PCDHAC1: variants seen among roughly 807,000 people sequenced by gnomAD.
The protein encoded by PCDHAC1 is protocadherin alpha-C1.
A neutral mutation model predicts 60.0 loss-of-function variants in PCDHAC1; 42 were observed. The observed-to-expected ratio is 0.70, with a 90% CI of 0.55 to 0.90. PCDHAC1 has a LOEUF of 0.90. PCDHAC1 is among the 40% of genes least tolerant of loss of function. The pLI is 0.00. For missense variants in PCDHAC1, 1,160 were observed against 1,222.3 expected (o/e 0.95, Z 0.76); for synonymous variants, 468 against 499.3 (o/e 0.94, Z 0.84).
chr5:140,994,149 G>A (rs1299780463), intron 3 of PCDHAC1, among the ~76,000 whole-genome samples: 2 of 152,174 alleles, frequency 1.3e-5, no homozygotes, highest in Non-Finnish European at 2.9e-5. Context: ...TACGTAGGTA[G>A]GGTCAACGAA....
rs1277390291 is a variant in PCDHAC1 at position 140,926,661 on chromosome 5, A to T, written c.-232A>T. 7.5e-6 allele frequency: 4 copies of T among 536,378 alleles called. No homozygotes were observed. In the African/African-American group the frequency reaches 7.9e-5, roughly 11 times the overall value. The allele number at this position is 536,378 out of a possible 1,614,324, so 33.2% of individuals were successfully genotyped here. A position where few individuals can be genotyped will look rare whatever the true frequency, so the allele number is the denominator to read the frequency against. On this transcript the variant is annotated 5_prime_UTR_variant, in exon 1 of 4. Coordinates refer to ENST00000253807, the MANE Select transcript of PCDHAC1 (RefSeq NM_018898.5). ...AACACCCGGCCGGCTCCGCTTTCCC[A>T]GACGGCTGCCCAGCCTCCAGCCTAG...
intron 3 of PCDHAC1, among the ~76,000 whole-genome samples, chr5:141,003,426 C>T (rs1316658550): frequency 1.3e-5 from 2 of 152,144 alleles, no homozygotes; most frequent in African/African-American, 4.8e-5. Context: ...ATTCTTATGC[C>T]TCAGCCTCCC....
At chr5:141,005,437 C>T (rs1469007749) in intron 3 of PCDHAC1, among the ~76,000 whole-genome samples, 4 of 152,092 alleles carry the variant, frequency 2.6e-5, no homozygotes, top group African/African-American at 7.2e-5. Context: ...GGATGAGAGG[C>T]TCACGCCTGT....
chr5:140,971,919 C>G (rs529852735), intron 1 of PCDHAC1, among the ~76,000 whole-genome samples: 1 of 152,162 alleles, frequency 6.6e-6, no homozygotes, highest in South Asian at 2.1e-4. Context: ...AGCCACACTG[C>G]TAGTGTTATT....
intron 1 of PCDHAC1, among the ~76,000 whole-genome samples, chr5:140,953,973 C>T (rs958351959): frequency 6.6e-5 from 10 of 152,036 alleles, no homozygotes; most frequent in Non-Finnish European, 1.3e-4. Context: ...GTGTGTTGTT[C>T]CCCTTCATAT....
chr5:140,981,974 A>G (rs782298715), intron 2 of PCDHAC1, among the ~76,000 whole-genome samples: 6 of 152,232 alleles, frequency 3.9e-5, no homozygotes, highest in Non-Finnish European at 8.8e-5. Context: ...AGATATAGAA[A>G]GAGTAAAATA....
chr5:140,984,492 T>C (rs2097106044), intron 3 of PCDHAC1, among the ~76,000 whole-genome samples: 1 of 152,224 alleles, frequency 6.6e-6, no homozygotes, highest in Non-Finnish European at 1.5e-5. Context: ...TATCCAGAAC[T>C]GTGCCTGGCT....
rs781992001 is a variant in PCDHAC1 at position 140,928,074 on chromosome 5, C to T, written c.1182C>T (p.Tyr394=). The T allele has an allele frequency of 6.2e-7, 1 of 1,614,216 alleles. No homozygotes were observed. The highest frequency in any genetic ancestry group is 1.7e-5 in the Admixed American group (1 of 60,034). ...AGCTGACGGCTTCCTTTGACAACTA[C>T]TACAGCCTGCTGATTGATGGGCCCC... ...PFQLTASFDN[Y]YSLLIDGPLD... The change falls in exon 1 of 4, where the codon TAC becomes TAT. Residue 394 remains tyrosine (Y), a synonymous_variant. Transcript: ENST00000253807.
At chr5:140,998,903 G>C (rs1465203456) in intron 3 of PCDHAC1, among the ~76,000 whole-genome samples, 1 of 152,156 alleles carries the variant, frequency 6.6e-6, no homozygotes, top group East Asian at 1.9e-4. Context: ...CAATGCCTCC[G>C]GGAGGTAGCT....
intron 1 of PCDHAC1, among the ~76,000 whole-genome samples, chr5:140,973,304 C>G (rs1252823783): frequency 6.6e-6 from 1 of 152,126 alleles, no homozygotes; most frequent in Non-Finnish European, 1.5e-5. Context: ...TCTGATGACT[C>G]TATCCTGGAA....
chr5:140,970,157 C>T (rs2096386547), intron 1 of PCDHAC1, among the ~76,000 whole-genome samples: 2 of 152,176 alleles, frequency 1.3e-5, no homozygotes, highest in African/African-American at 4.8e-5. Context: ...TCCCAATAGT[C>T]ACCTTTCTTG....
chr5:140,982,526 T>A lies in PCDHAC1; in HGVS notation c.2544T>A (p.Pro848=). Residue 848 remains proline (P), a synonymous_variant, in exon 3 of 4, where the codon CCT becomes CCA. Coordinates refer to ENST00000253807, the MANE Select transcript of PCDHAC1 (RefSeq NM_018898.5). ...TTCTACGGGCTGGTCCAGGAGGGCC[T>A]GATCAGCAGTGGCCAACAGTATCCA... ...AGILRAGPGG[P]DQQWPTVSSA... is the part of the protein sequence containing the mutation. 1.2e-6 allele frequency: 2 copies of A among 1,614,192 alleles called. No individual in the cohort carries two copies. Among genetic ancestry groups the A allele is most frequent in the Non-Finnish European group, 1.7e-6 (2 of 1,180,028 alleles).
chr5:140,971,568 G>C (rs2096486593), intron 1 of PCDHAC1, among the ~76,000 whole-genome samples: 1 of 152,074 alleles, frequency 6.6e-6, no homozygotes, highest in African/African-American at 2.4e-5. Flanking sequence ...CCCATGTTGG[G>C]CTTTCTTTTT....
Position 140,927,481 on chromosome 5 carries a change from G to A in PCDHAC1, c.589G>A (p.Ala197Thr). 1 of 1,614,072 alleles carries A rather than the reference G, an allele frequency of 6.2e-7. No homozygotes were observed. The highest frequency in any genetic ancestry group is 8.5e-7 in the Non-Finnish European group (1 of 1,180,030). ...GAAAGCACTGGATCGCGAACAGCGC[G>A]CCACCCACCTGCTGGTGCTTACAGC... is the stretch of plus-strand genomic sequence containing the variant. ...LEKALDREQR[A>T]THLLVLTARD... Residue 197 changes from alanine to threonine, a missense_variant, in exon 1 of 4, where the codon GCC becomes ACC. Transcript: ENST00000253807.
At chr5:140,933,659 C>G (rs552302723) in intron 1 of PCDHAC1, among the ~76,000 whole-genome samples, 1 of 152,058 alleles carries the variant, frequency 6.6e-6, no homozygotes, top group East Asian at 1.9e-4. Context: ...TCCTGTCTCT[C>G]TCTCTGTCTC....
At chr5:140,989,947 T>G (rs2097368215) in intron 3 of PCDHAC1, among the ~76,000 whole-genome samples, 1 of 152,062 alleles carries the variant, frequency 6.6e-6, no homozygotes, top group Non-Finnish European at 1.5e-5. Context: ...CACGTTTTTC[T>G]CGGTGAGACC....
At chr5:140,974,856 C>G (rs2096643713) in intron 1 of PCDHAC1, among the ~76,000 whole-genome samples, 1 of 152,104 alleles carries the variant, frequency 6.6e-6, no homozygotes, top group African/African-American at 2.4e-5. Context: ...TTCCCTTTTG[C>G]CTTAATGCGG....
At position 140,926,598 on chromosome 5, in the gene PCDHAC1, G is replaced by A. The variant is rs2083387215; in HGVS notation, c.-295G>A. On this transcript the variant is annotated 5_prime_UTR_variant, in exon 1 of 4. Coordinates refer to ENST00000253807, the MANE Select transcript of PCDHAC1 (RefSeq NM_018898.5). ...AGCACCTCTCGCGCCCGGGCGGGCG[G>A]CCTCGTCTCTGCACCCCTAGGCGGC... 1 of 313,802 alleles carries A rather than the reference G, an allele frequency of 3.2e-6. No homozygotes were observed. The allele number at this position is 313,802 out of a possible 1,614,324, so 19.4% of individuals were successfully genotyped here.
intron 1 of PCDHAC1, chr5:140,968,040 G>A: frequency 1.2e-6 from 2 of 1,614,162 alleles, no homozygotes; most frequent in African/African-American, 1.3e-5. Context: ...GTGGTGAGCG[G>A]CCCACTGGAC....
Sources: allele counts gnomAD v4.1 joint callset (sites outside exome capture counted in the v4.1 genomes callset), GRCh38; gene constraint gnomAD v4.1.1; transcripts MANE v1.5; gene names NCBI Gene and HGNC (gene_info 2026-07-23, HGNC 2026-07-21).